FADS2: variants seen among roughly 807,000 people sequenced by gnomAD.
The protein encoded by FADS2 is fatty acid desaturase 2, also known as acyl-CoA 6-desaturase.
FADS2 carries 18 observed loss-of-function variants against 61.2 expected under a neutral mutation model. The ratio of observed to expected loss-of-function variants is 0.29; its 90% CI spans 0.20 to 0.44. FADS2 has a LOEUF of 0.44. FADS2 is among the 20% of genes least tolerant of loss of function. The pLI is 1.00. For synonymous variants in FADS2, 203 were observed against 223.9 expected, an observed-to-expected ratio of 0.91 and a Z score of 0.83; for missense variants, 322 against 572.7, an observed-to-expected ratio of 0.56 and a Z score of 4.47.
At chr11:61,859,075 G>A (rs1299953749) in intron 7 of FADS2, among the ~76,000 whole-genome samples, 1 of 151,788 alleles carries the variant, frequency 6.6e-6, no homozygotes, top group Non-Finnish European at 1.5e-5. Flanking sequence ...GTTTGTTTTT[G>A]AGGTGGAGTT....
Position 61,840,620 on chromosome 11 carries a change from C to T in FADS2, c.517-4C>T, listed in dbSNP as rs2067211313. The T allele has an allele frequency of 6.2e-7, 1 of 1,614,140 alleles. No homozygotes were observed. The highest frequency in any genetic ancestry group is 8.5e-7 in the Non-Finnish European group (1 of 1,179,984). On this transcript the variant is annotated splice_polypyrimidine_tract_variant and splice_region_variant and intron_variant, in intron 3 of 11. Coordinates refer to ENST00000278840, the MANE Select transcript of FADS2 (RefSeq NM_004265.4). ...TGACAGCACGTGTGACCCTCTCTCC[C>T]CAGGCCCAAGCTGGATGGCTGCAAC... is the stretch of plus-strand genomic sequence containing the variant.
chr11:61,825,647 C>T (rs540300718), upstream of FADS2, among the ~76,000 whole-genome samples: 2 of 147,894 alleles, frequency 1.4e-5, no homozygotes, highest in African/African-American at 5.0e-5. Flanking sequence ...AGAAAAAGCC[C>T]TTTGGGAGGC....
intron 10 of FADS2, among the ~76,000 whole-genome samples, 195 bp from the exon 11 acceptor site, chr11:61,864,957 C>A (rs972367375): frequency 6.6e-6 from 1 of 152,156 alleles, no homozygotes; most frequent in East Asian, 1.9e-4. Context: ...CTCCTGCTCA[C>A]GGAGGGCTGC....
At chr11:61,842,178 G>A (rs2067223083) in intron 4 of FADS2, among the ~76,000 whole-genome samples, 1 of 152,156 alleles carries the variant, frequency 6.6e-6, no homozygotes, top group African/African-American at 2.4e-5. Context: ...ACCGCAACGG[G>A]GCCCTTGGCT....
chr11:61,840,285 T>C (rs766340706), intron 2 of FADS2, 49 bp from the exon 3 acceptor site: 120 of 1,480,234 alleles, frequency 8.1e-5, no homozygotes, highest in Non-Finnish European at 1.1e-4. Flanking sequence ...ATATGTTCCC[T>C]CCAGAGTGGC....
rs770339549 is a variant in FADS2, at chr11:61,857,064, C to T, written c.798C>T (p.Phe266=). The T allele has an allele frequency of 1.9e-6, 3 of 1,613,714 alleles. No individual in the cohort carries two copies. Among genetic ancestry groups the T allele is most frequent in the South Asian group, 2.2e-5 (2 of 91,082 alleles). Residue 266 remains phenylalanine, a synonymous_variant, in exon 6 of 12, where the codon TTC becomes TTT. Transcript: ENST00000278840. Reference sequence around the variant, plus strand: ...CCTACAATCACCAGCACGAATACTTCTTCCTGAGTGAGTGCTCGGCGCCCC... The same window carrying T: ...CCTACAATCACCAGCACGAATACTTTTTCCTGAGTGAGTGCTCGGCGCCCC... ...YLPYNHQHEY[F]FLIGPPLLIP... is the part of the protein sequence containing the mutation.
chr11:61,826,916 T>A (rs1346099341), upstream of FADS2, among the ~76,000 whole-genome samples: 6 of 152,110 alleles, frequency 3.9e-5, no homozygotes. Flanking sequence ...CATTTTCAAG[T>A]GAGATGTAAT....
In FADS2 at chr11:61,865,510, C is replaced by A; in HGVS notation, c.1284-128C>A. On this transcript the variant is annotated intron_variant, in intron 11 of 11. Coordinates refer to ENST00000278840, the MANE Select transcript of FADS2 (RefSeq NM_004265.4). This position sits in a 1 kb window ranked among gnomAD's most constrained non-coding sequence, Gnocchi z 4.1. ...GCTGACAGCCCCACAGGCCCAGTGGCAGTGGTAAGCCCTGGTTAGGGCCAA... is the reference window on the plus strand; with the variant it reads ...GCTGACAGCCCCACAGGCCCAGTGGAAGTGGTAAGCCCTGGTTAGGGCCAA... 2.0e-6 allele frequency: 2 copies of A among 977,170 alleles called. No individual in the cohort carries two copies. The highest frequency in any genetic ancestry group is 3.1e-6 in the Non-Finnish European group (2 of 642,718). The allele number at this position is 977,170 out of a possible 1,614,324, so 60.5% of individuals were successfully genotyped here.
chr11:61,857,322 G>A (rs1046404518), intron 6 of FADS2, 132 bp from the exon 7 acceptor site: 72 of 855,294 alleles, frequency 8.4e-5, no homozygotes, highest in Non-Finnish European at 1.0e-4. Context: ...TGCAGGCCCC[G>A]GGGTCCCTGG....
intron 5 of FADS2, chr11:61,849,759 G>A (rs550196017): frequency 6.6e-6 from 1 of 152,260 alleles, no homozygotes; most frequent in East Asian, 1.9e-4. Context: ...GCCAGCTGTG[G>A]TGGCTCACAC....
In FADS2 at chr11:61,816,920, G is replaced by A; in HGVS notation, c.141+494G>A. 1 of 1,399,390 alleles carries A rather than the reference G, an allele frequency of 7.1e-7. No homozygotes were observed. The highest frequency in any genetic ancestry group is 9.2e-7 in the Non-Finnish European group (1 of 1,087,434). 86.7% of individuals were successfully genotyped at this position (1,399,390 alleles called of 1,614,324 possible). A position where few individuals can be genotyped will look rare whatever the true frequency, so the allele number is the denominator to read the frequency against. ...GGCAGACCGGCGGGCCTCGCAGCGCGCGTTCCCATTGGCCGAGCCTCGTGG... is the reference window on the plus strand; with the variant it reads ...GGCAGACCGGCGGGCCTCGCAGCGCACGTTCCCATTGGCCGAGCCTCGTGG... On this transcript the variant is annotated intron_variant, in intron 1 of 11. Coordinates refer to the FADS2 transcript ENST00000257261. The surrounding 1 kb of genome is among the most constrained non-coding windows in gnomAD (Gnocchi z 7.0).
chr11:61,861,052 T>A (rs1327417560), intron 7 of FADS2, among the ~76,000 whole-genome samples: 2 of 150,620 alleles, frequency 1.3e-5, no homozygotes, highest in African/African-American at 4.9e-5. Flanking sequence ...TATAAAAACT[T>A]AAAAAAAATT....
At chr11:61,833,996 A>C (rs973915266) in intron 1 of FADS2, among the ~76,000 whole-genome samples, 9 of 152,224 alleles carry the variant, frequency 5.9e-5, no homozygotes, top group Non-Finnish European at 2.9e-5. Flanking sequence ...GCAGGCCATA[A>C]ACAAGTGGGT....
chr11:61,861,353 C>CAAAAAAACAAAAAAAAAAAACAAA (rs2067412994), intron 7 of FADS2, among the ~76,000 whole-genome samples: 1 of 29,728 alleles, frequency 3.4e-5, no homozygotes, highest in African/African-American at 9.5e-5. Context: ...GACTCCCTCT[C>CAAAAAAACAAAAAAAAAAAACAAA]AAAAAAAAAA....
chr11:61,826,264 T>G (rs920328392), upstream of FADS2: 1 of 702,474 alleles, frequency 1.4e-6, no homozygotes, highest in Non-Finnish European at 2.6e-6. Flanking sequence ...CTTCAACACA[T>G]GTTTTTATGT....
chr11:61,821,277 T>C, intron 1 of FADS2: 1 of 629,626 alleles, frequency 1.6e-6, no homozygotes, highest in Middle Eastern at 2.5e-4. Context: ...CCCAGTGCTT[T>C]GGGAGGCTGA....
At chr11:61,853,325 TTCC>T (rs2067327197) in intron 5 of FADS2, among the ~76,000 whole-genome samples, 2 of 137,238 alleles carry the variant, frequency 1.5e-5, no homozygotes, top group Non-Finnish European at 3.1e-5. Flanking sequence ...CCTTCCTTCC[TTCC>T]TTCCTTTCCT....
intron 4 of FADS2, 67 bp from the exon 5 acceptor site, chr11:61,848,092 C>A: frequency 1.1e-5 from 17 of 1,606,554 alleles, no homozygotes; most frequent in East Asian, 2.2e-5. Flanking sequence ...CTAAGAAGGG[C>A]CTGTTACAAG....
intron 1 of FADS2, among the ~76,000 whole-genome samples, chr11:61,819,271 A>G (rs1327653257): frequency 6.6e-6 from 1 of 152,186 alleles, no homozygotes; most frequent in Non-Finnish European, 1.5e-5. Context: ...GCCTAAGGAA[A>G]TGTTCTTAGA....
Sources: gnomAD v4.1 joint callset for allele counts (sites outside exome capture counted in the v4.1 genomes callset) on GRCh38, gnomAD v4.1.1 for gene constraint, Gnocchi (gnomAD v3.1) non-coding constraint, MANE v1.5 for transcripts, NCBI Gene and HGNC (gene_info 2026-07-23, HGNC 2026-07-21) for gene names.